SEMA3E: variants seen among roughly 807,000 people sequenced by gnomAD.
SEMA3E encodes semaphorin 3E, also known as semaphorin-3E.
SEMA3E carries 49 observed loss-of-function variants against 93.6 expected under a neutral mutation model. The ratio of observed to expected loss-of-function variants is 0.52; its 90% CI spans 0.42 to 0.66. The LOEUF (loss-of-function observed/expected upper bound fraction) is 0.66, where lower values mean the gene tolerates loss of function less well. Among genes scored for constraint, SEMA3E ranks in the 30% least tolerant of loss-of-function variants. The probability of loss-of-function intolerance (pLI) is 0.00; values close to 1 mark genes in which losing one functional copy is unlikely to be tolerated. For missense variants in SEMA3E, 906 were observed against 964.8 expected (o/e 0.94, Z 0.81); for synonymous variants, 363 against 330.7 (o/e 1.10, Z -1.06).
intron 5 of SEMA3E, among the ~76,000 whole-genome samples, chr7:83,415,619 T>A (rs942158015): frequency 6.6e-6 from 1 of 152,146 alleles, no homozygotes; most frequent in Non-Finnish European, 1.5e-5. Context: ...TTCAATTTTT[T>A]ATTAACCTCT....
chr7:83,478,758 ACACCT>A (rs1285062339), intron 2 of SEMA3E, among the ~76,000 whole-genome samples: 3 of 152,228 alleles, frequency 2.0e-5, no homozygotes, highest in African/African-American at 7.2e-5. Flanking sequence ...GGAGAAAGAA[ACACCT>A]CATAACAAAA....
intron 1 of SEMA3E, among the ~76,000 whole-genome samples, chr7:83,630,087 T>C (rs1202539992): frequency 6.6e-6 from 1 of 152,168 alleles, no homozygotes; most frequent in Non-Finnish European, 1.5e-5. Context: ...CACCCCACCC[T>C]GCTTCGGCTC....
intron 1 of SEMA3E, among the ~76,000 whole-genome samples, chr7:83,511,024 G>T (rs1333653353): frequency 6.6e-6 from 1 of 152,002 alleles, no homozygotes; most frequent in Non-Finnish European, 1.5e-5. Flanking sequence ...TAATTAAAAG[G>T]GGACTAAACT....
At chr7:83,568,705 AAAG>A (rs1245429408) in intron 1 of SEMA3E, among the ~76,000 whole-genome samples, 1 of 152,138 alleles carries the variant, frequency 6.6e-6, no homozygotes, top group Non-Finnish European at 1.5e-5. Flanking sequence ...AAAACTAAGC[AAAG>A]AAGAAATATG....
intron 1 of SEMA3E, among the ~76,000 whole-genome samples, chr7:83,537,112 T>C (rs529657114): frequency 1.3e-5 from 2 of 152,018 alleles, no homozygotes; most frequent in East Asian, 3.9e-4. Context: ...GAGGATACAG[T>C]AAGTAGGCAG....
intron 4 of SEMA3E, among the ~76,000 whole-genome samples, chr7:83,430,551 C>T (rs1292082335): frequency 6.6e-6 from 1 of 152,100 alleles, no homozygotes; most frequent in Non-Finnish European, 1.5e-5. Flanking sequence ...AGCTGGAAAC[C>T]ATTGCCCTTA....
Position 83,648,623 on chromosome 7 carries a change from A to T in SEMA3E, c.-81T>A. 1.0e-6 allele frequency: 1 copy of T among 985,424 alleles called. No individual in the cohort carries two copies. The allele number at this position is 985,424 out of a possible 1,614,324, so 61.0% of individuals were successfully genotyped here. ...TTACTTAGGACTTCCCTCCAGGGGC[A>T]GCGTGCGAGAGGCTTTGTCAGAAAT... On this transcript the variant is annotated 5_prime_UTR_variant, in exon 1 of 17. Coordinates refer to ENST00000643230, the MANE Select transcript of SEMA3E (RefSeq NM_012431.3).
intron 1 of SEMA3E, among the ~76,000 whole-genome samples, chr7:83,594,567 T>G (rs1275841907): frequency 1.3e-5 from 2 of 152,202 alleles, no homozygotes; most frequent in East Asian, 3.9e-4. Flanking sequence ...TCCTAGGTTT[T>G]TCTGGAAGGG....
chr7:83,382,626 CTT>C (rs1236216776), intron 16 of SEMA3E, among the ~76,000 whole-genome samples: 1 of 151,490 alleles, frequency 6.6e-6, no homozygotes, highest in Non-Finnish European at 1.5e-5. Flanking sequence ...TACATAGTAT[CTT>C]ATATATTTAA....
chr7:83,529,423 G>T (rs17506038), intron 1 of SEMA3E, among the ~76,000 whole-genome samples: 1 of 151,840 alleles, frequency 6.6e-6, no homozygotes, highest in African/African-American at 2.4e-5. Flanking sequence ...TGAGCTGCCC[G>T]TCAAAAACTA....
At chr7:83,402,837 T>G in intron 9 of SEMA3E, 61 bp from the exon 10 acceptor site, 1 of 1,482,304 alleles carries the variant, frequency 6.7e-7, no homozygotes, top group Non-Finnish European at 9.3e-7. Context: ...TCTAGCCAAA[T>G]ACCCCAGCCT....
At chr7:83,592,307 A>G (rs2115949815) in intron 1 of SEMA3E, among the ~76,000 whole-genome samples, 1 of 152,274 alleles carries the variant, frequency 6.6e-6, no homozygotes, top group East Asian at 1.9e-4. Context: ...ATATATACTT[A>G]AAGTTATGCT....
At chr7:83,400,400 TTTTTAAC>T in intron 10 of SEMA3E, 150 bp from the exon 11 acceptor site, 1 of 747,988 alleles carries the variant, frequency 1.3e-6, no homozygotes, top group Non-Finnish European at 2.2e-6. Context: ...TTTTTCTTTT[TTTTTAAC>T]TTTTATTTTA....
intron 11 of SEMA3E, among the ~76,000 whole-genome samples, chr7:83,399,353 A>C (rs1788190572): frequency 6.6e-6 from 1 of 152,228 alleles, no homozygotes; most frequent in South Asian, 2.1e-4. Flanking sequence ...TTTATTTGAA[A>C]ATATCACTTG....
chr7:83,448,602 TA>T (rs1455670110), intron 4 of SEMA3E, among the ~76,000 whole-genome samples: 2 of 152,210 alleles, frequency 1.3e-5, no homozygotes, highest in Admixed American at 6.5e-5. Flanking sequence ...AAATGTGAAA[TA>T]TATCTTTAGA....
At chr7:83,449,134 C>G (rs1353356698) in intron 4 of SEMA3E, among the ~76,000 whole-genome samples, 1 of 151,446 alleles carries the variant, frequency 6.6e-6, no homozygotes, top group Non-Finnish European at 1.5e-5. Context: ...GGTTCTGGCT[C>G]TGTCGCTCAG....
At chr7:83,480,073 A>G (rs768254816) in intron 2 of SEMA3E, among the ~76,000 whole-genome samples, 1 of 152,212 alleles carries the variant, frequency 6.6e-6, no homozygotes, top group Non-Finnish European at 1.5e-5. Context: ...CATGCATAAT[A>G]TTCAGAGGAA....
chr7:83,576,070 A>G (rs1562839799), intron 1 of SEMA3E, among the ~76,000 whole-genome samples: 1 of 152,242 alleles, frequency 6.6e-6, no homozygotes, highest in Non-Finnish European at 1.5e-5. Context: ...TGGCATATAT[A>G]CAGAGGCATA....
chr7:83,629,283 G>A (rs1793738046), intron 1 of SEMA3E, among the ~76,000 whole-genome samples: 1 of 152,174 alleles, frequency 6.6e-6, no homozygotes, highest in African/African-American at 2.4e-5. Context: ...GAGGCCTGGG[G>A]ATCAGGGACC....
Sources: allele counts gnomAD v4.1 joint callset (sites outside exome capture counted in the v4.1 genomes callset), GRCh38; gene constraint gnomAD v4.1.1; transcripts MANE v1.5; gene names NCBI Gene and HGNC (gene_info 2026-07-23, HGNC 2026-07-21).